Variants in NBEA observed in about 807,000 individuals in gnomAD.
NBEA encodes neurobeachin, also known as lysosomal-trafficking regulator 2.
A neutral mutation model predicts 343.4 loss-of-function variants in NBEA; 44 were observed. That is an observed-to-expected ratio of 0.13 (90% confidence interval 0.10 to 0.16). The LOEUF is 0.16. NBEA is among the 10% of genes least tolerant of loss of function. NBEA has a pLI of 1.00. For missense variants in NBEA, 2,555 were observed against 3,631.3 expected, an observed-to-expected ratio of 0.70 and a Z score of 7.62; for synonymous variants, 1,175 against 1,238.7, an observed-to-expected ratio of 0.95 and a Z score of 1.08.
intron 10 of NBEA, among the ~76,000 whole-genome samples, chr13:35,096,944 T>C (rs1157705842): frequency 6.6e-6 from 1 of 151,936 alleles, no homozygotes; most frequent in Non-Finnish European, 1.5e-5. Context: ...AAGAATATCA[T>C]TGATTTGTGA....
chr13:35,278,334 T>C (rs1226951576), intron 34 of NBEA, among the ~76,000 whole-genome samples: 1 of 152,010 alleles, frequency 6.6e-6, no homozygotes, highest in Non-Finnish European at 1.5e-5. Context: ...CTTCATTTTC[T>C]CTACCTATTA....
chr13:34,992,851 T>G (rs1337933114), intron 1 of NBEA, among the ~76,000 whole-genome samples: 2 of 149,968 alleles, frequency 1.3e-5, no homozygotes, highest in East Asian at 3.9e-4. Context: ...TTTTTTTTTT[T>G]TTTTGTATTT....
At chr13:35,317,079 T>C (rs1450239999) in intron 36 of NBEA, among the ~76,000 whole-genome samples, 1 of 152,206 alleles carries the variant, frequency 6.6e-6, no homozygotes, top group African/African-American at 2.4e-5. Context: ...CCTGTGATGA[T>C]AGTTTCTTTT....
At chr13:35,216,165 T>C (rs927628394) in intron 33 of NBEA, among the ~76,000 whole-genome samples, 1 of 151,454 alleles carries the variant, frequency 6.6e-6, no homozygotes, top group Non-Finnish European at 1.5e-5. Context: ...TTTTAGAGTG[T>C]TTTTTTTCTA....
chr13:35,400,753 T>A (rs1027470874), intron 38 of NBEA, among the ~76,000 whole-genome samples: 2 of 152,038 alleles, frequency 1.3e-5, no homozygotes, highest in Non-Finnish European at 2.9e-5. Flanking sequence ...ATTCAGACTA[T>A]GGGATGATCA....
intron 38 of NBEA, among the ~76,000 whole-genome samples, chr13:35,392,485 T>C (rs887179987): frequency 1.2e-5 from 1 of 85,180 alleles, no homozygotes; most frequent in African/African-American, 5.0e-5. Context: ...GTTTTTTTTG[T>C]TTTTTTTTTT....
intron 24 of NBEA, among the ~76,000 whole-genome samples, chr13:35,166,497 G>A (rs2070044711): frequency 6.6e-6 from 1 of 152,038 alleles, no homozygotes; most frequent in African/African-American, 2.4e-5. Context: ...ACAGACTTGG[G>A]AATTCATTCA....
intron 1 of NBEA, among the ~76,000 whole-genome samples, chr13:34,992,766 A>G (rs759929195): frequency 2.1e-4 from 31 of 150,884 alleles, no homozygotes; most frequent in Non-Finnish European, 3.8e-4. Context: ...TCCGACTCCC[A>G]GATTCACACC....
intron 49 of NBEA, among the ~76,000 whole-genome samples, chr13:35,629,286 C>T (rs1186577621): frequency 1.3e-5 from 2 of 152,174 alleles, no homozygotes; most frequent in Non-Finnish European, 2.9e-5. Context: ...TTCTGCATCT[C>T]CAGCCAGTGG....
At chr13:34,998,775 T>A (rs1410021628) in intron 1 of NBEA, among the ~76,000 whole-genome samples, 1 of 152,110 alleles carries the variant, frequency 6.6e-6, no homozygotes, top group African/African-American at 2.4e-5. Flanking sequence ...GCTGTACAAT[T>A]TGTGCAGTTA....
intron 13 of NBEA, among the ~76,000 whole-genome samples, chr13:35,117,037 CT>C (rs2066530016): frequency 6.6e-6 from 1 of 151,434 alleles, no homozygotes; most frequent in African/African-American, 2.4e-5. Context: ...GGAGAGAGTC[CT>C]TAAATGAAGA....
chr13:34,969,090 T>A (rs2059917276), intron 1 of NBEA, among the ~76,000 whole-genome samples: 1 of 152,074 alleles, frequency 6.6e-6, no homozygotes, highest in Admixed American at 6.6e-5. Context: ...AGAATGCTGT[T>A]TACCTTCTGT....
intron 30 of NBEA, among the ~76,000 whole-genome samples, chr13:35,188,731 CT>C (rs1489641001): frequency 1.3e-5 from 2 of 151,998 alleles, no homozygotes; most frequent in Non-Finnish European, 2.9e-5. Flanking sequence ...TTTCATATCA[CT>C]TGGATATATA....
At position 35,589,208 on chromosome 13, in the gene NBEA, T is replaced by C. The variant is rs1158917732; in HGVS notation, c.7177-4120T>C. Among the ~76,000 whole-genome samples the C allele has an allele frequency of 3.3e-5, 5 of 152,236 alleles. No homozygotes were observed. The East Asian group carries it at 5.8e-4, about 18-fold the overall frequency. The stretch of plus-strand genomic sequence containing the variant: ...TTGGAAGATTCTAAAAGATACTTCT[T>C]GGCTCTTGGAAGAGAAATAGGAGAA... On this transcript the variant is annotated intron_variant, in intron 46 of 58. Transcript: ENST00000379939.
At chr13:35,356,024 A>G (rs891979406) in intron 38 of NBEA, among the ~76,000 whole-genome samples, 4 of 152,008 alleles carry the variant, frequency 2.6e-5, no homozygotes, top group African/African-American at 9.7e-5. Flanking sequence ...TCTTTTATCC[A>G]TAATTGTATC....
chr13:35,635,678 A>G (rs139443138), intron 49 of NBEA, among the ~76,000 whole-genome samples: 181 of 152,310 alleles, frequency 1.2e-3, no homozygotes, highest in African/African-American at 4.1e-3. Context: ...TCTCACTGCA[A>G]AGGTTTTCAT....
intron 41 of NBEA, among the ~76,000 whole-genome samples, chr13:35,500,714 CTT>C (rs35555952): frequency 8.0e-4 from 78 of 97,840 alleles, no homozygotes; most frequent in Admixed American, 9.9e-4. Context: ...CCTGGCTCTT[CTT>C]TTTTTTTTTT....
intron 39 of NBEA, 140 bp from the exon 40 acceptor site, chr13:35,451,952 G>A (rs970590628): frequency 1.4e-5 from 9 of 662,588 alleles, no homozygotes; most frequent in Non-Finnish European, 2.0e-5. Context: ...ACAAGATAAA[G>A]AAGGTTAAAA....
intron 38 of NBEA, among the ~76,000 whole-genome samples, chr13:35,411,088 C>T (rs959107355): frequency 1.3e-5 from 2 of 152,014 alleles, no homozygotes; most frequent in Non-Finnish European, 2.9e-5. Flanking sequence ...CCACTTCTAC[C>T]TCTTGGTAGC....
Sources: gnomAD v4.1 joint callset for allele counts (sites outside exome capture counted in the v4.1 genomes callset) on GRCh38, gnomAD v4.1.1 for gene constraint, MANE v1.5 for transcripts, NCBI Gene and HGNC (gene_info 2026-07-23, HGNC 2026-07-21) for gene names.